The following PDGFD variants were observed in gnomAD, a reference collection of about 807,000 sequenced individuals.
PDGFD encodes platelet derived growth factor D, also known as platelet-derived growth factor D.
In PDGFD, 30 loss-of-function variants were observed where a neutral mutation model predicts 44.7. That is an observed-to-expected ratio of 0.67 (90% CI 0.50 to 0.91). The LOEUF (loss-of-function observed/expected upper bound fraction) is 0.91, where lower values mean the gene tolerates loss of function less well. PDGFD is among the 40% of genes least tolerant of loss of function. PDGFD has a pLI of 0.00. For missense variants in PDGFD, 445 were observed against 457.8 expected (o/e 0.97, Z 0.25); for synonymous variants, 173 against 168.4 (o/e 1.03, Z -0.21).
At chr11:103,989,492 G>C (rs1490541418) in intron 3 of PDGFD, among the ~76,000 whole-genome samples, 1 of 152,132 alleles carries the variant, frequency 6.6e-6, no homozygotes, top group African/African-American at 2.4e-5. Context: ...CCACATCCCT[G>C]GCTTGCTTTG....
intron 3 of PDGFD, among the ~76,000 whole-genome samples, chr11:103,976,435 C>T (rs1007291212): frequency 6.6e-5 from 10 of 152,040 alleles, no homozygotes; most frequent in East Asian, 3.9e-4. Flanking sequence ...TGGGCTGAGA[C>T]GATGGGGTTT....
chr11:103,919,689 A>G (rs1858181594), intron 6 of PDGFD, among the ~76,000 whole-genome samples: 1 of 151,576 alleles, frequency 6.6e-6, no homozygotes. Context: ...TTGTATTTTT[A>G]GTAGAGATGG....
At chr11:104,051,925 CACA>C (rs1860544701) in intron 1 of PDGFD, among the ~76,000 whole-genome samples, 1 of 152,114 alleles carries the variant, frequency 6.6e-6, no homozygotes, top group African/African-American at 2.4e-5. Flanking sequence ...TTAACACATT[CACA>C]ACGTTTTGCA....
intron 1 of PDGFD, among the ~76,000 whole-genome samples, chr11:104,010,562 A>T (rs1859769135): frequency 6.6e-6 from 1 of 152,118 alleles, no homozygotes; most frequent in South Asian, 2.1e-4. Flanking sequence ...AGGTAATTAC[A>T]GAAATGATGG....
At chr11:103,949,897 G>A (rs1419626940) in intron 3 of PDGFD, among the ~76,000 whole-genome samples, 2 of 152,078 alleles carry the variant, frequency 1.3e-5, no homozygotes, top group African/African-American at 4.8e-5. Context: ...CAGAAAACGC[G>A]GGTAGAAGAC....
chr11:104,092,080 GAA>G (rs1172224905), intron 1 of PDGFD, among the ~76,000 whole-genome samples: 1 of 151,942 alleles, frequency 6.6e-6, no homozygotes, highest in African/African-American at 2.4e-5. Context: ...AAAGCTTTGA[GAA>G]AAAAAGGCCC....
chr11:103,991,055 C>T (rs1336905740), intron 3 of PDGFD, among the ~76,000 whole-genome samples: 3 of 151,804 alleles, frequency 2.0e-5, no homozygotes, highest in Admixed American at 2.0e-4. Flanking sequence ...AGGAGAATGG[C>T]AGGAACCCAG....
intron 1 of PDGFD, among the ~76,000 whole-genome samples, chr11:104,156,558 C>G (rs148702274): frequency 1.3e-5 from 2 of 151,960 alleles, no homozygotes; most frequent in Non-Finnish European, 2.9e-5. Context: ...AGCTCCCATG[C>G]CTGGGCTATG....
intron 1 of PDGFD, among the ~76,000 whole-genome samples, chr11:104,079,088 A>T (rs1281569942): frequency 6.6e-6 from 1 of 152,208 alleles, no homozygotes; most frequent in Non-Finnish European, 1.5e-5. Context: ...TTCTGACAAT[A>T]TCAGAAACAG....
At chr11:103,996,378 G>C (rs1859534850) in intron 2 of PDGFD, 133 bp from the exon 3 acceptor site, 9 of 854,702 alleles carry the variant, frequency 1.1e-5, no homozygotes, top group Non-Finnish European at 1.4e-5. Context: ...ATAATGTACA[G>C]AAATGTTAAA....
At chr11:103,985,647 G>GAA (rs1388840320) in intron 3 of PDGFD, among the ~76,000 whole-genome samples, 1 of 151,982 alleles carries the variant, frequency 6.6e-6, no homozygotes, top group African/African-American at 2.4e-5. Context: ...GAATAGTTCT[G>GAA]TTTGTCTGGA....
At chr11:103,924,719 C>A (rs751998820) in intron 6 of PDGFD, among the ~76,000 whole-genome samples, 2 of 152,100 alleles carry the variant, frequency 1.3e-5, no homozygotes, top group Non-Finnish European at 2.9e-5. Context: ...AACCAAAACA[C>A]CACCACCACC....
intron 3 of PDGFD, among the ~76,000 whole-genome samples, chr11:103,973,138 C>CTTTTTT (rs555810765): frequency 3.0e-5 from 4 of 134,416 alleles, no homozygotes; most frequent in African/African-American, 2.7e-5. Flanking sequence ...AAAGTGGTCA[C>CTTTTTT]TTTTTTTTTT....
At chr11:104,144,543 A>ACCCAACCAAC (rs1199699901) in intron 1 of PDGFD, among the ~76,000 whole-genome samples, 114 of 142,622 alleles carry the variant, frequency 8.0e-4, no homozygotes, top group East Asian at 1.7e-3. Context: ...ACAAAACAAA[A>ACCCAACCAAC]CAAACAAACA....
At chr11:103,921,663 A>C (rs1858223657) in intron 6 of PDGFD, among the ~76,000 whole-genome samples, 1 of 151,862 alleles carries the variant, frequency 6.6e-6, no homozygotes, top group African/African-American at 2.4e-5. Flanking sequence ...CAATTTATTA[A>C]TACATCTCCT....
At chr11:103,985,078 TATTTATTTAATATATTATATATTA>T (rs1230058420) in intron 3 of PDGFD, among the ~76,000 whole-genome samples, 11,888 of 89,096 alleles carry the variant, frequency 0.13, 2,007 homozygotes, top group South Asian at 0.23. Context: ...TTAATAGTTA[TATTTATTTAATATATTATATATTA>T]ATTTATTTAA....
chr11:104,005,733 G>A (rs180752783), intron 1 of PDGFD, among the ~76,000 whole-genome samples: 1 of 152,292 alleles, frequency 6.6e-6, no homozygotes, highest in Non-Finnish European at 1.5e-5. Flanking sequence ...AGAAACTTGT[G>A]ACCTCAGGCA....
chr11:103,937,546 G>GC (rs2134318405), intron 5 of PDGFD, among the ~76,000 whole-genome samples: 1 of 150,894 alleles, frequency 6.6e-6, no homozygotes, highest in Admixed American at 6.6e-5. Context: ...GTTTTGTTTT[G>GC]TTTTTTTAAT....
intron 3 of PDGFD, among the ~76,000 whole-genome samples, chr11:103,973,374 C>T (rs1032212827): frequency 5.3e-5 from 8 of 151,116 alleles, no homozygotes; most frequent in African/African-American, 1.5e-4. Context: ...GTCTCGATCT[C>T]CCGACCTCAA....
Sources: gnomAD v4.1 joint callset for allele counts (sites outside exome capture counted in the v4.1 genomes callset) on GRCh38, gnomAD v4.1.1 for gene constraint, MANE v1.5 for transcripts, NCBI Gene and HGNC (gene_info 2026-07-23, HGNC 2026-07-21) for gene names.